The following PCED1B variants were observed in gnomAD, a reference collection of about 807,000 sequenced individuals.
PCED1B encodes the protein PC-esterase domain-containing protein 1B.
For missense variants in PCED1B, 573 were observed against 573.9 expected (o/e 1.00, Z 0.02); for synonymous variants, 251 against 246.1 (o/e 1.02, Z -0.19).
At chr12:47,153,349 CCTT>C (rs1941071645) in intron 2 of PCED1B, among the ~76,000 whole-genome samples, 1 of 107,420 alleles carries the variant, frequency 9.3e-6, no homozygotes, top group Non-Finnish European at 1.9e-5. Context: ...GAGCAAGACT[CCTT>C]CTCAAAAAAA....
chr12:47,204,046 A>C (rs2137725288), intron 2 of PCED1B, among the ~76,000 whole-genome samples: 1 of 152,262 alleles, frequency 6.6e-6, no homozygotes, highest in Non-Finnish European at 1.5e-5. Flanking sequence ...CCCAGGCTCA[A>C]ACGATCCTCT....
chr12:47,232,012 A>G (rs1201608541), intron 3 of PCED1B, among the ~76,000 whole-genome samples: 1 of 152,216 alleles, frequency 6.6e-6, no homozygotes, highest in African/African-American at 2.4e-5. Context: ...ATGATAGTAC[A>G]ATTATCAACT....
intron 2 of PCED1B, among the ~76,000 whole-genome samples, chr12:47,179,063 G>A (rs546326001): frequency 6.6e-5 from 10 of 152,208 alleles, no homozygotes; most frequent in Admixed American, 1.3e-4. Context: ...TATACAAATT[G>A]CGAATTGGAG....
At chr12:47,083,532 C>G (rs1050988577) in intron 1 of PCED1B, among the ~76,000 whole-genome samples, 1 of 152,198 alleles carries the variant, frequency 6.6e-6, no homozygotes, top group Non-Finnish European at 1.5e-5. Context: ...GAAGTGCACT[C>G]AGCTCCTACA....
Position 47,095,594 on chromosome 12 carries a change from T to C in PCED1B, c.-608-8519T>C, listed in dbSNP as rs367760231. 6.9e-4 allele frequency among the ~76,000 whole-genome samples: 105 copies of C among 152,310 alleles called. 2 individuals are homozygous for C. In the South Asian group the frequency reaches 9.9e-3, roughly 14 times the overall value. Reference sequence around the variant, plus strand: ...TCTTGCCATTGTTTCCATTCTTTTTTCTCTTCCTGCTTCAGGAGTAGATAC... The same window carrying C: ...TCTTGCCATTGTTTCCATTCTTTTTCCTCTTCCTGCTTCAGGAGTAGATAC... On this transcript the variant is annotated intron_variant, in intron 1 of 3. Transcript: ENST00000546455.
chr12:47,157,184 G>A (rs61927713), intron 2 of PCED1B, among the ~76,000 whole-genome samples: 4,808 of 152,108 alleles, frequency 0.032, 92 homozygotes, highest in Middle Eastern at 0.058. Flanking sequence ...TTTCCTGTAG[G>A]TAGAGCTTAC....
intron 2 of PCED1B, chr12:47,210,775 T>C (rs1943053379): frequency 6.6e-6 from 1 of 151,810 alleles, no homozygotes; most frequent in Non-Finnish European, 1.5e-5. Context: ...AAAAAAGTAA[T>C]AATAATAAAT....
chr12:47,191,976 T>A (rs985520167), intron 2 of PCED1B, among the ~76,000 whole-genome samples: 5 of 152,144 alleles, frequency 3.3e-5, no homozygotes, highest in Non-Finnish European at 5.9e-5. Flanking sequence ...GATTGACTGT[T>A]TTCTCTCTGT....
chr12:47,206,383 T>C (rs1390333449), intron 2 of PCED1B: 2 of 152,202 alleles, frequency 1.3e-5, no homozygotes, highest in Non-Finnish European at 2.9e-5. Context: ...TGCCCAGGAA[T>C]GAACAAGGAC....
At chr12:47,217,725 C>T (rs1463068476) in intron 3 of PCED1B, among the ~76,000 whole-genome samples, 5 of 151,838 alleles carry the variant, frequency 3.3e-5, no homozygotes, top group Non-Finnish European at 5.9e-5. Flanking sequence ...TACAGGCACG[C>T]GACACCACTC....
chr12:47,081,307 C>A (rs1565735513), intron 1 of PCED1B, among the ~76,000 whole-genome samples: 1 of 152,144 alleles, frequency 6.6e-6, no homozygotes, highest in African/African-American at 2.4e-5. Flanking sequence ...TTCCTCCCCT[C>A]CCCCGCGCAC....
At chr12:47,155,426 A>G (rs1403656590) in intron 2 of PCED1B, among the ~76,000 whole-genome samples, 1 of 152,238 alleles carries the variant, frequency 6.6e-6, no homozygotes, top group African/African-American at 2.4e-5. Flanking sequence ...ATGAAATATG[A>G]TATGTAAATC....
At chr12:47,233,677 T>G (rs1342764460) in intron 3 of PCED1B, among the ~76,000 whole-genome samples, 1 of 152,170 alleles carries the variant, frequency 6.6e-6, no homozygotes, top group Non-Finnish European at 1.5e-5. Context: ...TTTCCCTGGT[T>G]GGGGGAAGGG....
At chr12:47,117,955 T>C (rs1362925923) in intron 2 of PCED1B, among the ~76,000 whole-genome samples, 3 of 152,248 alleles carry the variant, frequency 2.0e-5, no homozygotes, top group Non-Finnish European at 4.4e-5. Flanking sequence ...CTTGTGATGA[T>C]GAGCATTTTT....
intron 1 of PCED1B, among the ~76,000 whole-genome samples, chr12:47,084,544 A>G (rs556007243): frequency 1.3e-5 from 2 of 152,322 alleles, no homozygotes; most frequent in East Asian, 3.9e-4. Flanking sequence ...TGGACATTTT[A>G]TATAAATGGA....
chr12:47,173,731 T>C (rs1322034735), intron 2 of PCED1B, among the ~76,000 whole-genome samples: 1 of 152,188 alleles, frequency 6.6e-6, no homozygotes, highest in African/African-American at 2.4e-5. Context: ...AAGAAAAATG[T>C]AATGCCCAGA....
At chr12:47,208,519 G>A (rs1055647352) in intron 2 of PCED1B, 1 of 152,160 alleles carries the variant, frequency 6.6e-6, no homozygotes, top group Admixed American at 6.5e-5. Flanking sequence ...TCCTGCCTCA[G>A]CGTCCCGAGT....
At chr12:47,103,067 A>G (rs1195424182) in intron 1 of PCED1B, among the ~76,000 whole-genome samples, 2 of 152,322 alleles carry the variant, frequency 1.3e-5, no homozygotes, top group Non-Finnish European at 2.9e-5. Flanking sequence ...GAGTATCTAA[A>G]TAGAAAATGT....
At chr12:47,170,641 T>C (rs987171075) in intron 2 of PCED1B, among the ~76,000 whole-genome samples, 1 of 152,244 alleles carries the variant, frequency 6.6e-6, no homozygotes, top group Non-Finnish European at 1.5e-5. Context: ...TCTTTGTCCA[T>C]TTCATTTTTC....
Sources: allele counts gnomAD v4.1 joint callset (sites outside exome capture counted in the v4.1 genomes callset), GRCh38; gene constraint gnomAD v4.1.1; transcripts MANE v1.5; gene names NCBI Gene and HGNC (gene_info 2026-07-23, HGNC 2026-07-21).